CFAP221: variants seen among roughly 807,000 people sequenced by gnomAD.
CFAP221 encodes cilia and flagella associated protein 221, also known as cilia- and flagella-associated protein 221.
In CFAP221, 97 loss-of-function variants were observed where a neutral mutation model predicts 113.1. That is an observed-to-expected ratio of 0.86 (90% confidence interval 0.73 to 1.02). The LOEUF is 1.02. Among genes scored for constraint, CFAP221 ranks in the 50% least tolerant of loss-of-function variants. CFAP221 has a pLI of 0.00. For missense variants in CFAP221, 1,025 were observed against 1,013.4 expected (o/e 1.01, Z -0.16); for synonymous variants, 331 against 354.4 (o/e 0.93, Z 0.74).
intron 11 of CFAP221, among the ~76,000 whole-genome samples, chr2:119,607,678 C>G (rs1278648701): frequency 6.6e-6 from 1 of 152,190 alleles, no homozygotes; most frequent in African/African-American, 2.4e-5. Context: ...CTCCCCACCC[C>G]CTGGAGCCCC....
intron 6 of CFAP221, among the ~76,000 whole-genome samples, chr2:119,569,229 G>A (rs1232075093): frequency 1.3e-5 from 2 of 151,970 alleles, no homozygotes; most frequent in South Asian, 4.1e-4. Flanking sequence ...TGTCTCCTGG[G>A]TTCACACCAT....
intron 13 of CFAP221, among the ~76,000 whole-genome samples, chr2:119,613,889 C>T (rs527507128): frequency 6.6e-6 from 1 of 152,354 alleles, no homozygotes; most frequent in South Asian, 2.1e-4. Context: ...AACTTTTATG[C>T]TCTGCTTCCC....
chr2:119,617,327 T>C (rs547895244), intron 14 of CFAP221, among the ~76,000 whole-genome samples: 11 of 152,304 alleles, frequency 7.2e-5, no homozygotes, highest in African/African-American at 2.6e-4. Context: ...AGGCTTTCCC[T>C]GGGTGGTCTC....
intron 11 of CFAP221, among the ~76,000 whole-genome samples, chr2:119,606,847 G>C (rs13007982): frequency 0.026 from 3,876 of 151,912 alleles, 76 homozygotes; most frequent in Non-Finnish European, 0.037. Context: ...ACTTGACCTC[G>C]GTTCACTAAT....
chr2:119,557,435 G>GTT (rs994933414), intron 3 of CFAP221: 2 of 152,224 alleles, frequency 1.3e-5, no homozygotes, highest in Non-Finnish European at 2.9e-5. Flanking sequence ...GAATACTTTA[G>GTT]TAAAGTGCAG....
At chr2:119,591,593 T>A (rs762339328) in intron 7 of CFAP221, among the ~76,000 whole-genome samples, 5 of 152,254 alleles carry the variant, frequency 3.3e-5, no homozygotes, top group Non-Finnish European at 7.3e-5. Flanking sequence ...TTTGATGGGC[T>A]GTCATTCTGG....
At position 119,601,330 on chromosome 2, in the gene CFAP221, A is replaced by G; in HGVS notation, c.744A>G (p.Pro248=). 2.6e-6 allele frequency: 4 copies of G among 1,535,078 alleles called. No homozygotes were observed. Among genetic ancestry groups the G allele is most frequent in the Non-Finnish European group, 3.5e-6 (4 of 1,146,266 alleles). Residue 248 remains proline (P), a synonymous_variant, in exon 8 of 24, where the codon CCA becomes CCG. Transcript: ENST00000413369. ...GGATTTCGCAGTTCAACTCTCAACC[A>G]TACGAATGTGTCTTCACCGGAACAT... ...QLWISQFNSQ[P]YECVFTGTCY... is the part of the protein sequence containing the mutation.
At chr2:119,635,175 A>G (rs188065736) in intron 19 of CFAP221, among the ~76,000 whole-genome samples, 24 of 152,364 alleles carry the variant, frequency 1.6e-4, no homozygotes, top group African/African-American at 5.8e-4. Flanking sequence ...TCTCTCTGTT[A>G]GAACACCTAC....
intron 16 of CFAP221, among the ~76,000 whole-genome samples, chr2:119,629,512 G>A (rs1686614041): frequency 6.6e-6 from 1 of 152,200 alleles, no homozygotes; most frequent in South Asian, 2.1e-4. Context: ...GTGCCGTTCA[G>A]ATGAGGCAGC....
At chr2:119,600,784 C>T (rs1008816371) in intron 7 of CFAP221, among the ~76,000 whole-genome samples, 1 of 152,166 alleles carries the variant, frequency 6.6e-6, no homozygotes, top group African/African-American at 2.4e-5. Context: ...TCCACCTCTT[C>T]TGCCTCTACC....
At chr2:119,622,106 A>G (rs567499737) in intron 14 of CFAP221, among the ~76,000 whole-genome samples, 26 of 152,180 alleles carry the variant, frequency 1.7e-4, no homozygotes, top group Non-Finnish European at 3.8e-4. Flanking sequence ...TTAACAAAAT[A>G]GATAGACTGC....
In CFAP221 at chr2:119,571,433, C is replaced by T. The variant is rs542928627; in HGVS notation, c.527+9319C>T. 1.7e-4 allele frequency among the ~76,000 whole-genome samples: 26 copies of T among 151,828 alleles called. No homozygotes were observed. The East Asian group carries it at 4.5e-3, about 26-fold the overall frequency. On this transcript the variant is annotated intron_variant, in intron 6 of 23. Coordinates refer to ENST00000413369, the MANE Select transcript of CFAP221 (RefSeq NM_001271049.2). ...GGCATTACAGGCATGAGCCACCACG[C>T]CCGGCCAACAACCACTTTTTTTTTC...
At chr2:119,621,829 T>A (rs1685943648) in intron 14 of CFAP221, among the ~76,000 whole-genome samples, 1 of 152,166 alleles carries the variant, frequency 6.6e-6, no homozygotes, top group Non-Finnish European at 1.5e-5. Flanking sequence ...AATAAGTTAT[T>A]TGAAACCAAT....
chr2:119,592,944 T>G (rs376196707), intron 7 of CFAP221, among the ~76,000 whole-genome samples: 1 of 152,266 alleles, frequency 6.6e-6, no homozygotes, highest in South Asian at 2.1e-4. Context: ...TGTATTGGTG[T>G]TGTTCTGCAT....
chr2:119,613,803 T>G (rs1231562300), intron 13 of CFAP221, among the ~76,000 whole-genome samples: 1 of 152,268 alleles, frequency 6.6e-6, no homozygotes, highest in Middle Eastern at 3.2e-3. Context: ...TATGTAAATT[T>G]CTGCAGCTGG....
rs111293961 is a variant in CFAP221, at chr2:119,648,602, C to A, written c.2318+1552C>A. On this transcript the variant is annotated intron_variant, in intron 22 of 23. Coordinates refer to ENST00000413369, the MANE Select transcript of CFAP221 (RefSeq NM_001271049.2). Reference sequence around the variant, plus strand: ...TTTCCTGAACTCCTGTTACTGAAGACCCATTCCTTTAGCTTTGCGCTTTGT... The same window carrying A: ...TTTCCTGAACTCCTGTTACTGAAGAACCATTCCTTTAGCTTTGCGCTTTGT... The A allele has an allele frequency of 6.4e-3, 1,083 of 167,920 alleles. 14 individuals carry two copies. Among genetic ancestry groups the A allele is most frequent in the African/African-American group, 0.025 (1,034 of 41,764 alleles). 10.4% of individuals were successfully genotyped at this position (167,920 alleles called of 1,614,324 possible). A position where few individuals can be genotyped will look rare whatever the true frequency, so the allele number is the denominator to read the frequency against.
In CFAP221 at chr2:119,639,691, A is replaced by T. The variant is rs367629648; in HGVS notation, c.2134-90A>T. On this transcript the variant is annotated intron_variant, in intron 20 of 23. Coordinates refer to ENST00000413369, the MANE Select transcript of CFAP221 (RefSeq NM_001271049.2). Reference sequence around the variant, plus strand: ...TACAGATTTTGGTGCTTAGCCTTTTAAGTCTGAAAAATAGTTGAATAAAAC... The same window carrying T: ...TACAGATTTTGGTGCTTAGCCTTTTTAGTCTGAAAAATAGTTGAATAAAAC... 53 of 1,040,074 alleles carry T rather than the reference A, an allele frequency of 5.1e-5. No homozygotes were observed. In the East Asian group the frequency reaches 6.2e-4, roughly 12 times the overall value. 64.4% of individuals were successfully genotyped at this position (1,040,074 alleles called of 1,614,324 possible).
At chr2:119,558,303 GTC>G (rs922182565) in intron 3 of CFAP221, among the ~76,000 whole-genome samples, 3 of 152,098 alleles carry the variant, frequency 2.0e-5, no homozygotes, top group Non-Finnish European at 4.4e-5. Flanking sequence ...TCTCCTCCCA[GTC>G]TCTCTCAAAA....
chr2:119,597,615 C>T (rs904311238), intron 7 of CFAP221, among the ~76,000 whole-genome samples: 1 of 152,048 alleles, frequency 6.6e-6, no homozygotes, highest in African/African-American at 2.4e-5. Flanking sequence ...GGACAAAATA[C>T]ACAAAGCAAG....
Sources: allele counts gnomAD v4.1 joint callset (sites outside exome capture counted in the v4.1 genomes callset), GRCh38; gene constraint gnomAD v4.1.1; transcripts MANE v1.5; gene names NCBI Gene and HGNC (gene_info 2026-07-23, HGNC 2026-07-21).